PLPPR1: variants seen among roughly 807,000 people sequenced by gnomAD.
PLPPR1 encodes the protein phospholipid phosphatase-related protein type 1.
A neutral mutation model predicts 33.1 loss-of-function variants in PLPPR1; 10 were observed. The observed-to-expected ratio is 0.30, with a 90% CI of 0.19 to 0.51. The LOEUF (loss-of-function observed/expected upper bound fraction) is 0.51. Ranked by LOEUF, PLPPR1 falls within the 20% of genes least tolerant of loss-of-function variation. The probability of loss-of-function intolerance (pLI) is 0.97; values close to 1 mark genes in which losing one functional copy is unlikely to be tolerated. For synonymous variants in PLPPR1, 151 were observed against 151.0 expected (o/e 1.00, Z 0.00); for missense variants, 304 against 408.1 (o/e 0.74, Z 2.20).
intron 2 of PLPPR1, among the ~76,000 whole-genome samples, chr9:101,265,636 C>T (rs1827976239): frequency 6.6e-6 from 1 of 152,148 alleles, no homozygotes; most frequent in South Asian, 2.1e-4. Context: ...TCTCTCTGCT[C>T]ATGGAGACAG....
intron 2 of PLPPR1, among the ~76,000 whole-genome samples, chr9:101,185,871 G>A (rs1391310945): frequency 6.6e-6 from 1 of 151,722 alleles, no homozygotes; most frequent in Non-Finnish European, 1.5e-5. Context: ...AACTATGAAA[G>A]AGAATGAAGC....
intron 1 of PLPPR1, among the ~76,000 whole-genome samples, chr9:101,087,559 G>A (rs945354707): frequency 2.6e-5 from 4 of 152,272 alleles, no homozygotes; most frequent in East Asian, 1.9e-4. Flanking sequence ...CTCTAGCTTT[G>A]TTTCTCTAGG....
intron 2 of PLPPR1, among the ~76,000 whole-genome samples, chr9:101,234,349 GT>G (rs1416629233): frequency 6.6e-6 from 1 of 151,810 alleles, no homozygotes; most frequent in Non-Finnish European, 1.5e-5. Context: ...GTTCTAAAAA[GT>G]TTTCTCATCA....
chr9:101,047,932 A>G (rs1830173336), intron 1 of PLPPR1, among the ~76,000 whole-genome samples: 1 of 152,196 alleles, frequency 6.6e-6, no homozygotes, highest in African/African-American at 2.4e-5. Flanking sequence ...AACTTTAGAA[A>G]CTGAACCTTT....
intron 1 of PLPPR1, among the ~76,000 whole-genome samples, chr9:101,146,103 T>A (rs1831518228): frequency 6.6e-6 from 1 of 152,208 alleles, no homozygotes. Context: ...TACTTCCCTC[T>A]GTCTCCCATA....
chr9:101,252,693 A>G (rs941005329), intron 2 of PLPPR1, among the ~76,000 whole-genome samples: 12 of 152,156 alleles, frequency 7.9e-5, no homozygotes, highest in Middle Eastern at 3.2e-3. Flanking sequence ...TAACTTGGCC[A>G]TGCTCATGGA....
intron 1 of PLPPR1, among the ~76,000 whole-genome samples, chr9:101,090,795 T>C (rs1002398745): frequency 2.6e-5 from 4 of 152,122 alleles, no homozygotes; most frequent in African/African-American, 7.2e-5. Context: ...TCTTGAAACA[T>C]ATTTTAAGTT....
intron 3 of PLPPR1, among the ~76,000 whole-genome samples, chr9:101,271,617 C>T (rs1019906102): frequency 6.6e-6 from 1 of 152,154 alleles, no homozygotes; most frequent in African/African-American, 2.4e-5. Context: ...ACACTCCACA[C>T]CCCACGTAAA....
chr9:101,279,248 A>G (rs1183091702), intron 3 of PLPPR1, among the ~76,000 whole-genome samples: 1 of 152,258 alleles, frequency 6.6e-6, no homozygotes, highest in Non-Finnish European at 1.5e-5. Flanking sequence ...TTAGCATTAT[A>G]TAATTATAAA....
intron 1 of PLPPR1, among the ~76,000 whole-genome samples, chr9:101,066,849 C>G (rs1830424275): frequency 6.6e-6 from 1 of 152,014 alleles, no homozygotes; most frequent in South Asian, 2.1e-4. Flanking sequence ...CAAGAACTAG[C>G]TACTGGATGT....
intron 1 of PLPPR1, among the ~76,000 whole-genome samples, chr9:101,129,214 A>G (rs1831284973): frequency 6.6e-6 from 1 of 152,200 alleles, no homozygotes; most frequent in Middle Eastern, 3.4e-3. Flanking sequence ...GACTGCCTAT[A>G]TCAAATGTTG....
intron 1 of PLPPR1, among the ~76,000 whole-genome samples, chr9:101,137,226 G>A (rs1032638442): frequency 6.6e-6 from 1 of 152,182 alleles, no homozygotes; most frequent in African/African-American, 2.4e-5. Flanking sequence ...AGACTGAGGG[G>A]CAGTTCTGGA....
intron 2 of PLPPR1, among the ~76,000 whole-genome samples, chr9:101,210,826 G>A (rs1416676763): frequency 6.6e-6 from 1 of 152,162 alleles, no homozygotes; most frequent in African/African-American, 2.4e-5. Context: ...GGAGTGCAGT[G>A]GCGCGATCTC....
At chr9:101,034,966 T>TAGTGGGC (rs1829992286) in intron 1 of PLPPR1, among the ~76,000 whole-genome samples, 1 of 152,126 alleles carries the variant, frequency 6.6e-6, no homozygotes, top group African/African-American at 2.4e-5. Context: ...TACCTGCCAA[T>TAGTGGGC]AACACTTGCC....
At position 101,313,211 on chromosome 9, in the gene PLPPR1, G is replaced by A. The variant is rs527494819; in HGVS notation, c.813+237G>A. On this transcript the variant is annotated intron_variant, in intron 6 of 7. Transcript: ENST00000374874. ...GGCAGGGAGAGAATTGCCCCTAGAA[G>A]TACAGCTGGCTCTACCCCTTTCAAC... 3.9e-5 allele frequency among the ~76,000 whole-genome samples: 6 copies of A among 152,324 alleles called. No homozygotes were observed. In the South Asian group the frequency reaches 1.2e-3, roughly 32 times the overall value.
intron 2 of PLPPR1, among the ~76,000 whole-genome samples, chr9:101,242,690 C>A (rs1214528831): frequency 6.6e-6 from 1 of 152,000 alleles, no homozygotes; most frequent in Non-Finnish European, 1.5e-5. Context: ...GCTAATGGAG[C>A]CATGGGAGAC....
At chr9:101,264,204 G>A (rs1188913579) in intron 2 of PLPPR1, among the ~76,000 whole-genome samples, 2 of 152,066 alleles carry the variant, frequency 1.3e-5, no homozygotes, top group Non-Finnish European at 1.5e-5. Context: ...CTATTCCCTG[G>A]TGTCCTGGCT....
chr9:101,098,331 G>A (rs1351675121), intron 1 of PLPPR1, among the ~76,000 whole-genome samples: 1 of 152,082 alleles, frequency 6.6e-6, no homozygotes, highest in Admixed American at 6.6e-5. Flanking sequence ...TGAGATGGGG[G>A]AGGAAGGCAG....
chr9:101,085,418 C>G (rs1291530097), intron 1 of PLPPR1, among the ~76,000 whole-genome samples: 1 of 152,000 alleles, frequency 6.6e-6, no homozygotes, highest in African/African-American at 2.4e-5. Context: ...CCTGTGAGGT[C>G]AGTAAGGAAG....
Sources: allele counts gnomAD v4.1 joint callset (sites outside exome capture counted in the v4.1 genomes callset), GRCh38; gene constraint gnomAD v4.1.1; transcripts MANE v1.5; gene names NCBI Gene and HGNC (gene_info 2026-07-23, HGNC 2026-07-21).